The following SIGIRR variants were observed in gnomAD, a reference collection of about 807,000 sequenced individuals.
SIGIRR encodes the protein single Ig and TIR domain containing.
SIGIRR carries 41 observed loss-of-function variants against 45.6 expected under a neutral mutation model. That is an observed-to-expected ratio of 0.90 (90% CI 0.70 to 1.17). The LOEUF is 1.17. SIGIRR is among the 50% of genes most tolerant of loss of function. The pLI, the probability that SIGIRR is intolerant of heterozygous loss-of-function variation, is 0.00. For missense variants in SIGIRR, 599 were observed against 539.6 expected (o/e 1.11, Z -1.09); for synonymous variants, 298 against 239.0 (o/e 1.25, Z -2.28).
chr11:413,315 G>T (rs1489807191), intron 1 of SIGIRR, among the ~76,000 whole-genome samples: 1 of 152,064 alleles, frequency 6.6e-6, no homozygotes, highest in Non-Finnish European at 1.5e-5. Context: ...CACACCCATG[G>T]GGGATGGCCA....
chr11:409,240 C>T, intron 2 of SIGIRR: 2 of 456,696 alleles, frequency 4.4e-6, no homozygotes, highest in South Asian at 3.5e-5. Flanking sequence ...CTGGTGACAC[C>T]ATGATGCCTG....
At chr11:407,368 G>GGATGC in intron 6 of SIGIRR, 57 bp downstream of exon 6, 1 of 1,449,280 alleles carries the variant, frequency 6.9e-7, no homozygotes. Flanking sequence ...ACGGAGCATG[G>GGATGC]GGCGGGGCGG....
In SIGIRR at chr11:414,950, G is replaced by A; in HGVS notation, c.-281C>T. 2 of 871,646 alleles carry A rather than the reference G, an allele frequency of 2.3e-6. No homozygotes were observed. The highest frequency in any genetic ancestry group is 2.8e-6 in the Non-Finnish European group (2 of 726,444). The allele number at this position is 871,646 out of a possible 1,614,324, so 54.0% of individuals were successfully genotyped here. On this transcript the variant is annotated 5_prime_UTR_variant, in exon 1 of 10. Transcript: ENST00000431843. The stretch of plus-strand genomic sequence containing the variant: ...AAGGCTGCTATGGATGCATCGCCAA[G>A]CGCGGTGGGGACCTGGCTTGTGTCT...
chr11:415,314 CGTGT>C (rs1206495562), upstream of SIGIRR, among the ~76,000 whole-genome samples: 1 of 146,400 alleles, frequency 6.8e-6, no homozygotes, highest in Non-Finnish European at 1.5e-5. This position sits in a 1 kb window ranked among gnomAD's most constrained non-coding sequence, Gnocchi z 6.6. Context: ...TGTGTGTGTG[CGTGT>C]GTGTTGTGGG....
chr11:406,418 G>C lies in SIGIRR; in HGVS notation c.1000C>G (p.Leu334Val), dbSNP rs149416393. The change falls in exon 9 of 10, where the codon CTT becomes GTT. Residue 334 changes from leucine to valine, a missense_variant. Coordinates refer to ENST00000431843, the MANE Select transcript of SIGIRR (RefSeq NM_001135054.2). ...LQDDKDPMLILRGRVPEGRAL... is the reference protein window; with the variant it reads ...LQDDKDPMLIVRGRVPEGRAL... ...CGGCCCTCAGGGACTCGGCCTCGAA[G>C]AATCAGCATGGGGTCCTTGTCGTCC... 1 of 1,612,646 alleles carries C rather than the reference G, an allele frequency of 6.2e-7. No homozygotes were observed. The highest frequency in any genetic ancestry group is 1.3e-5 in the African/African-American group (1 of 74,956).
chr11:407,379 G>C, intron 6 of SIGIRR, 46 bp downstream of exon 6: 24 of 1,469,402 alleles, frequency 1.6e-5, no homozygotes, highest in Non-Finnish European at 2.0e-5. Context: ...GGCGGGGCGG[G>C]GCGGGCCCTC....
rs201269567 is a variant in SIGIRR at position 407,830 on chromosome 11, C to T, written c.468G>A (p.Glu156=). 5 of 1,612,582 alleles carry T rather than the reference C, an allele frequency of 3.1e-6. No homozygotes were observed. The South Asian group carries it at 4.4e-5, about 14-fold the overall frequency. ...GGCCCCACGCACCGTTTATCTCCACCTCCCCATACGCGTCCTGGTACCAGA... is the reference window on the plus strand; with the variant it reads ...GGCCCCACGCACCGTTTATCTCCACTTCCCCATACGCGTCCTGGTACCAGA... ...VLLWYQDAYG[E]VEINDGKLYD... is the part of the protein sequence containing the mutation. Residue 156 remains glutamate, a synonymous_variant, in exon 5 of 10, where the codon GAG becomes GAA. Transcript: ENST00000431843.
intron 1 of SIGIRR, among the ~76,000 whole-genome samples, chr11:414,538 T>C (rs1352680208): frequency 6.6e-6 from 1 of 151,974 alleles, no homozygotes; most frequent in Non-Finnish European, 1.5e-5. Flanking sequence ...ACACCTCCCA[T>C]TACCACTGCA....
At chr11:410,263 C>A (rs1847525529) in intron 1 of SIGIRR, among the ~76,000 whole-genome samples, 1 of 152,120 alleles carries the variant, frequency 6.6e-6, no homozygotes, top group Non-Finnish European at 1.5e-5. Context: ...AGGATCACCT[C>A]CACCGGCCCT....
chr11:413,328 G>A (rs1475243145), intron 1 of SIGIRR, among the ~76,000 whole-genome samples: 1 of 152,048 alleles, frequency 6.6e-6, no homozygotes, highest in Non-Finnish European at 1.5e-5. Context: ...GATGGCCAGG[G>A]GGTCCTTGAA....
At chr11:406,784 G>C in intron 8 of SIGIRR, 59 bp downstream of exon 8, 3 of 1,454,108 alleles carry the variant, frequency 2.1e-6, no homozygotes, top group Non-Finnish European at 1.8e-6. Context: ...CCTGGAGCCC[G>C]GGCACCGCCC....
At chr11:415,694 G>A (rs117814704), upstream of SIGIRR, among the ~76,000 whole-genome samples, 611 of 152,284 alleles carry the variant, frequency 4.0e-3, 6 homozygotes, top group African/African-American at 0.014. This position sits in a 1 kb window ranked among gnomAD's most constrained non-coding sequence, Gnocchi z 6.6. Flanking sequence ...GGAGGGCAGC[G>A]CCCCCTTTTC....
At chr11:412,857 G>T (rs1405645573) in intron 1 of SIGIRR, among the ~76,000 whole-genome samples, 1 of 152,148 alleles carries the variant, frequency 6.6e-6, no homozygotes, top group African/African-American at 2.4e-5. Flanking sequence ...TGTGAGGCCG[G>T]AGGGTGAACA....
rs1554923625 is a variant in SIGIRR at position 409,885 on chromosome 11, CGGG to C, written c.-14_-12del. On this transcript the variant is annotated 5_prime_UTR_variant, in exon 2 of 10. Transcript: ENST00000431843. ...CTGCCTACCTGGCATGGCTCTGAGC[CGGG>C]GCCTCCTCGGGGCAGGCTGGGCTCC... 2 of 1,322,840 alleles carry C rather than the reference CGGG, an allele frequency of 1.5e-6. No homozygotes were observed. The highest frequency in any genetic ancestry group is 1.9e-6 in the Non-Finnish European group (2 of 1,029,312). The allele number at this position is 1,322,840 out of a possible 1,614,324, so 81.9% of individuals were successfully genotyped here. A position where few individuals can be genotyped will look rare whatever the true frequency, so the allele number is the denominator to read the frequency against.
At chr11:408,228 C>T (rs1484748317) in intron 3 of SIGIRR, 22 bp from the exon 4 acceptor site, 1 of 1,611,498 alleles carries the variant, frequency 6.2e-7, no homozygotes, top group Non-Finnish European at 8.5e-7. Context: ...AAGCCAGGGT[C>T]AGGGTCGACT....
Position 406,024 on chromosome 11 carries a change from G to A in SIGIRR, c.1105C>T (p.Pro369Ser). ...RGPVFGEPSA[P>S]PHTSGVSLGE... is the part of the protein sequence containing the mutation. ...AGCGAGACCCCACTGGTGTGCGGTG[G>A]AGCTGATGGCTCTCCAAAGACAGGC... Residue 369 changes from proline to serine, a missense_variant, in exon 10 of 10, where the codon CCA becomes TCA. By Grantham distance (74) the Pro-to-Ser change is moderately conservative (BLOSUM62 -1). Coordinates refer to ENST00000431843, the MANE Select transcript of SIGIRR (RefSeq NM_001135054.2). 1 of 1,605,498 alleles carries A rather than the reference G, an allele frequency of 6.2e-7. No individual in the cohort carries two copies. The highest frequency in any genetic ancestry group is 1.7e-5 in the Admixed American group (1 of 58,832).
At chr11:414,655 T>C (rs1847830178) in intron 1 of SIGIRR, among the ~76,000 whole-genome samples, 168 bp downstream of exon 1, 1 of 152,126 alleles carries the variant, frequency 6.6e-6, no homozygotes, top group African/African-American at 2.4e-5. Flanking sequence ...GCACACACAC[T>C]GCACCTGACA....
intron 2 of SIGIRR, 152 bp downstream of exon 2, chr11:409,716 C>T (rs1308543269): frequency 1.3e-5 from 11 of 862,544 alleles, no homozygotes; most frequent in Middle Eastern, 2.4e-4. Flanking sequence ...GGCCAAGGGC[C>T]CAGTGGGAGG....
chr11:406,380 T>G lies in SIGIRR; in HGVS notation c.1038A>C (p.Ser346=). Residue 346 remains serine (S), a synonymous_variant, in exon 9 of 10, where the codon TCA becomes TCC. Transcript: ENST00000431843. The stretch of plus-strand genomic sequence containing the variant: ...CGCCCTCAGGGTCCGGGTCCACCTC[T>G]GAGTCCAGGGCCCGGCCCTCAGGGA... ...GRVPEGRALD[S]EVDPDPEGDL... 1.2e-6 allele frequency: 2 copies of G among 1,612,630 alleles called. No homozygotes were observed. The highest frequency in any genetic ancestry group is 1.7e-6 in the Non-Finnish European group (2 of 1,179,836).
Sources: gnomAD v4.1 joint callset for allele counts (sites outside exome capture counted in the v4.1 genomes callset) on GRCh38, gnomAD v4.1.1 for gene constraint, Gnocchi (gnomAD v3.1) non-coding constraint, MANE v1.5 for transcripts, NCBI Gene and HGNC (gene_info 2026-07-23, HGNC 2026-07-21) for gene names.